The following CRBN variants were observed in gnomAD, a reference collection of about 807,000 sequenced individuals.
CRBN encodes the protein cereblon, also known as protein cereblon.
In CRBN, 53 loss-of-function variants were observed where a neutral mutation model predicts 62.2. That is an observed-to-expected ratio of 0.85 (90% CI 0.68 to 1.07). The LOEUF is 1.07. CRBN is among the 50% of genes least tolerant of loss of function. The pLI is 0.00. For synonymous variants in CRBN, 208 were observed against 176.1 expected (o/e 1.18, Z -1.43); for missense variants, 616 against 531.1 (o/e 1.16, Z -1.57).
intron 1 of CRBN, among the ~76,000 whole-genome samples, chr3:3,176,912 G>A (rs182265954): frequency 6.6e-6 from 1 of 152,208 alleles, no homozygotes; most frequent in African/African-American, 2.4e-5. Context: ...ATATGCTATT[G>A]TACTAACTGT....
intron 1 of CRBN, 74 bp from the exon 2 acceptor site, chr3:3,175,343 A>G: frequency 9.1e-7 from 1 of 1,097,450 alleles, no homozygotes; most frequent in Non-Finnish European, 1.4e-6. Flanking sequence ...TCCTTCTTCA[A>G]AAGAGGGGTA....
At chr3:3,155,974 T>C in intron 6 of CRBN, 1 of 439,932 alleles carries the variant, frequency 2.3e-6, no homozygotes, top group Non-Finnish European at 4.2e-6. Flanking sequence ...ACCTGGCTAA[T>C]TTTTGTATTT....
intron 4 of CRBN, among the ~76,000 whole-genome samples, chr3:3,169,715 G>T (rs1290461070): frequency 6.6e-6 from 1 of 152,158 alleles, no homozygotes; most frequent in Non-Finnish European, 1.5e-5. Flanking sequence ...AGCTATATAT[G>T]TGTAACATTT....
Position 3,158,832 on chromosome 3 carries a change from T to C in CRBN, c.688-2551A>G, listed in dbSNP as rs138159312. Among the ~76,000 whole-genome samples, 8 of 152,320 alleles carry C rather than the reference T, an allele frequency of 5.3e-5. No individual in the cohort carries two copies. The East Asian group carries it at 1.4e-3, about 26-fold the overall frequency. On this transcript the variant is annotated intron_variant, in intron 5 of 10. Transcript: ENST00000231948. Reference sequence around the variant, plus strand: ...TTCAACAAATATTGTGAGTGCCTGATAGGGTTTGGCCGTGTCCCCACCCAA... The same window carrying C: ...TTCAACAAATATTGTGAGTGCCTGACAGGGTTTGGCCGTGTCCCCACCCAA...
At chr3:3,166,789 T>C (rs1707369453) in intron 5 of CRBN, among the ~76,000 whole-genome samples, 1 of 152,138 alleles carries the variant, frequency 6.6e-6, no homozygotes, top group African/African-American at 2.4e-5. Context: ...GTGACTAGTA[T>C]ATAAGTCCAC....
chr3:3,170,263 G>A (rs1707549653), intron 4 of CRBN, among the ~76,000 whole-genome samples: 1 of 152,202 alleles, frequency 6.6e-6, no homozygotes, highest in Non-Finnish European at 1.5e-5. Flanking sequence ...TTACAGGTAT[G>A]AGTCACCACA....
chr3:3,163,963 A>G (rs1404584065), intron 5 of CRBN, among the ~76,000 whole-genome samples: 2 of 152,160 alleles, frequency 1.3e-5, no homozygotes, highest in South Asian at 2.1e-4. Flanking sequence ...TTTCATTGTT[A>G]TATCTGTTAT....
intron 5 of CRBN, among the ~76,000 whole-genome samples, chr3:3,162,316 CT>C (rs529274085): frequency 9.3e-5 from 14 of 151,110 alleles, no homozygotes; most frequent in Non-Finnish European, 1.9e-4. Flanking sequence ...AAAATTTCCT[CT>C]TTTTTTTTGA....
At chr3:3,175,392 C>A (rs751112479) in intron 1 of CRBN, 123 bp from the exon 2 acceptor site, 5 of 726,464 alleles carry the variant, frequency 6.9e-6, no homozygotes, top group Admixed American at 4.7e-5. Flanking sequence ...TCTACAGCAC[C>A]GTGAAGAGGG....
At chr3:3,161,492 G>A (rs1021436716) in intron 5 of CRBN, among the ~76,000 whole-genome samples, 101 of 152,288 alleles carry the variant, frequency 6.6e-4, no homozygotes, top group African/African-American at 2.2e-3. Context: ...GGGTTCCAGT[G>A]ATTCTCCTGC....
intron 4 of CRBN, among the ~76,000 whole-genome samples, chr3:3,171,652 C>A (rs1707620661): frequency 6.6e-6 from 1 of 152,172 alleles, no homozygotes; most frequent in Admixed American, 6.5e-5. Flanking sequence ...CTCTCTTTAG[C>A]TCCAAGGAGC....
chr3:3,179,682 G>C lies in CRBN; in HGVS notation c.6C>G (p.Ala2=). The C allele has an allele frequency of 6.2e-7, 1 of 1,613,238 alleles. No homozygotes were observed. Among genetic ancestry groups the C allele is most frequent in the Non-Finnish European group, 8.5e-7 (1 of 1,179,524 alleles). ...CAGCGTCCTGCTGATCTCCTTCGCC[G>C]GCCATGTCTGTTTACCCGCAAAGGA... M[A]GEGDQQDAAH... The change falls in exon 1 of 11, where the codon GCC becomes GCG. Residue 2 remains alanine (A), a synonymous_variant. Coordinates refer to ENST00000231948, the MANE Select transcript of CRBN (RefSeq NM_016302.4).
At chr3:3,175,036 A>ATGAGGAC in intron 2 of CRBN, 127 bp downstream of exon 2, 2 of 548,666 alleles carry the variant, frequency 3.6e-6, no homozygotes, top group South Asian at 1.9e-5. Flanking sequence ...CTACTGGCAA[A>ATGAGGAC]TAGCCCATGT....
At chr3:3,152,823 G>A in intron 9 of CRBN, 2 of 551,934 alleles carry the variant, frequency 3.6e-6, no homozygotes, top group Non-Finnish European at 6.5e-6. Flanking sequence ...AAAGGAAATA[G>A]TACTTGTTTT....
In CRBN at chr3:3,179,557, G is replaced by C. The variant is rs576446188; in HGVS notation, c.67+64C>G. The C allele has an allele frequency of 1.0e-5, 16 of 1,525,754 alleles. No individual in the cohort carries two copies. The East Asian group carries it at 3.2e-4, about 30-fold the overall frequency. The allele number at this position is 1,525,754 out of a possible 1,614,324, so 94.5% of individuals were successfully genotyped here. A position where few individuals can be genotyped will look rare whatever the true frequency, so the allele number is the denominator to read the frequency against. ...CCACGCCCGCCTCCCAGGCCCAGCT[G>C]CACCGCTAGCGGCTCCGAGCCTCGC... On this transcript the variant is annotated intron_variant, in intron 1 of 10. Coordinates refer to ENST00000231948, the MANE Select transcript of CRBN (RefSeq NM_016302.4).
chr3:3,166,341 T>C lies in CRBN; in HGVS notation c.687+1293A>G, dbSNP rs558659030. 1.8e-4 allele frequency among the ~76,000 whole-genome samples: 27 copies of C among 152,282 alleles called. 2 individuals are homozygous for C. Among genetic ancestry groups the C allele is most frequent in the African/African-American group, 6.3e-4 (26 of 41,560 alleles). ...ATGTAAGACGTGACTTGCTCTTCCTTGACTTTCAACCTTCTGCCATGATTG... is the reference window on the plus strand; with the variant it reads ...ATGTAAGACGTGACTTGCTCTTCCTCGACTTTCAACCTTCTGCCATGATTG... On this transcript the variant is annotated intron_variant, in intron 5 of 10. Coordinates refer to ENST00000231948, the MANE Select transcript of CRBN (RefSeq NM_016302.4).
chr3:3,178,177 A>AG (rs1475849458), intron 1 of CRBN, among the ~76,000 whole-genome samples: 1 of 152,162 alleles, frequency 6.6e-6, no homozygotes, highest in Non-Finnish European at 1.5e-5. Flanking sequence ...TGGCACAGAG[A>AG]GTAGGGCTAA....
chr3:3,174,189 C>T lies in CRBN; in HGVS notation c.247G>A (p.Val83Ile), dbSNP rs1203528010. The T allele has an allele frequency of 6.2e-7, 1 of 1,614,152 alleles. No homozygotes were observed. Among genetic ancestry groups the T allele is most frequent in the Middle Eastern group, 1.6e-4 (1 of 6,062 alleles). ...HDDDSCQVIP[V>I]LPQVMMILIP... The stretch of plus-strand genomic sequence containing the variant: ...AGGATCATCATCACTTGTGGAAGAA[C>T]TGGAATCACCTGACAGCTGTCGTCA... Residue 83 changes from valine to isoleucine, a missense_variant, in exon 3 of 11, where the codon GTT (valine) becomes ATT (isoleucine). Coordinates refer to ENST00000231948, the MANE Select transcript of CRBN (RefSeq NM_016302.4).
intron 4 of CRBN, among the ~76,000 whole-genome samples, 183 bp from the exon 5 acceptor site, chr3:3,167,976 A>C (rs1282499521): frequency 6.6e-6 from 1 of 152,078 alleles, no homozygotes; most frequent in Non-Finnish European, 1.5e-5. Context: ...TTCATAAATC[A>C]TACCAAAGTT....
Sources: gnomAD v4.1 joint callset for allele counts (sites outside exome capture counted in the v4.1 genomes callset) on GRCh38, gnomAD v4.1.1 for gene constraint, MANE v1.5 for transcripts, NCBI Gene and HGNC (gene_info 2026-07-23, HGNC 2026-07-21) for gene names.